Variants in CFI observed in about 807,000 individuals in gnomAD.
The protein encoded by CFI is C3B/C4B inactivator.
In CFI, 66 loss-of-function variants were observed where a neutral mutation model predicts 78.8. The ratio of observed to expected loss-of-function variants is 0.84; its 90% confidence interval spans 0.69 to 1.03. CFI has a LOEUF of 1.03. CFI is among the 50% of genes least tolerant of loss of function. The probability of loss-of-function intolerance (pLI) is 0.00; values close to 1 mark genes in which losing one functional copy is unlikely to be tolerated. For synonymous variants in CFI, 250 were observed against 232.6 expected, an observed-to-expected ratio of 1.07 and a Z score of -0.68; for missense variants, 706 against 704.5, an observed-to-expected ratio of 1.00 and a Z score of -0.02.
chr4:109,754,955 T>C (rs993364025), intron 7 of CFI, among the ~76,000 whole-genome samples: 2 of 152,216 alleles, frequency 1.3e-5, no homozygotes, highest in African/African-American at 4.8e-5. Flanking sequence ...ATTATGGATT[T>C]CTATTCAACA....
intron 1 of CFI, among the ~76,000 whole-genome samples, chr4:109,781,873 G>A (rs1321909906): frequency 1.5e-4 from 23 of 150,424 alleles, no homozygotes; most frequent in Admixed American, 1.5e-3. Context: ...GTCAATAAAT[G>A]TGATACACAA....
At chr4:109,756,723 G>A (rs1241407380) in intron 7 of CFI, among the ~76,000 whole-genome samples, 1 of 151,492 alleles carries the variant, frequency 6.6e-6, no homozygotes, top group Non-Finnish European at 1.5e-5. Context: ...AGCCAGGTGT[G>A]GTGGCACGTG....
chr4:109,760,995 G>A (rs1726983574), intron 4 of CFI, among the ~76,000 whole-genome samples: 1 of 152,144 alleles, frequency 6.6e-6, no homozygotes, highest in Non-Finnish European at 1.5e-5. Context: ...CTTGGTTAGT[G>A]CCATTTGTTT....
In CFI at chr4:109,759,794, T is replaced by C. The variant is rs985437031; in HGVS notation, c.883+476A>G. 5.3e-5 allele frequency among the ~76,000 whole-genome samples: 8 copies of C among 152,280 alleles called. No homozygotes were observed. In the East Asian group the frequency reaches 1.5e-3, roughly 29 times the overall value. On this transcript the variant is annotated intron_variant, in intron 6 of 12. Coordinates refer to ENST00000394634, the MANE Select transcript of CFI (RefSeq NM_000204.5). The stretch of plus-strand genomic sequence containing the variant: ...CTGTAATCCCAGCTACTTGGGAGGC[T>C]GAGGCAGGAGAATCACTTGAACTCA...
Position 109,763,674 on chromosome 4 carries a change from T to C in CFI, c.482+863A>G, listed in dbSNP as rs1379703099. Among the ~76,000 whole-genome samples the C allele has an allele frequency of 3.3e-5, 5 of 152,120 alleles. No homozygotes were observed. In the East Asian group the frequency reaches 7.7e-4, roughly 23 times the overall value. ...GATCTAAACAGAGCAGCTAATTCTATTAATAATGAGTAACATATCTATTAT... is the reference window on the plus strand; with the variant it reads ...GATCTAAACAGAGCAGCTAATTCTACTAATAATGAGTAACATATCTATTAT... On this transcript the variant is annotated intron_variant, in intron 3 of 12. Coordinates refer to ENST00000394634, the MANE Select transcript of CFI (RefSeq NM_000204.5).
chr4:109,759,362 A>G (rs1359311297), intron 6 of CFI, among the ~76,000 whole-genome samples: 1 of 152,160 alleles, frequency 6.6e-6, no homozygotes, highest in Non-Finnish European at 1.5e-5. Context: ...CAAACAGAAC[A>G]TTCAGATTCT....
At chr4:109,767,188 AC>A (rs545371624) in intron 1 of CFI, among the ~76,000 whole-genome samples, 123 of 152,208 alleles carry the variant, frequency 8.1e-4, no homozygotes, top group African/African-American at 2.7e-3. Context: ...CTAGAAGAAA[AC>A]CTAGGCAATA....
rs1412421358 is a variant in CFI, at chr4:109,796,283, C to G, written c.57+5632G>C. ...CACTGCCAACCAAGAATATTACACC[C>G]AGAAAAACTATCCTCTAAAAATGAA... On this transcript the variant is annotated intron_variant, in intron 1 of 12. Transcript: ENST00000394634. 2.0e-5 allele frequency among the ~76,000 whole-genome samples: 3 copies of G among 152,180 alleles called. No individual in the cohort carries two copies. In the East Asian group the frequency reaches 5.8e-4, roughly 29 times the overall value.
At chr4:109,762,492 T>C (rs1006000064) in intron 3 of CFI, 2 of 152,214 alleles carry the variant, frequency 1.3e-5, no homozygotes, top group African/African-American at 4.8e-5. Flanking sequence ...TACAGTGAAC[T>C]ATTCTTCTAG....
intron 6 of CFI, 118 bp from the exon 7 acceptor site, chr4:109,757,901 G>A (rs542035780): frequency 1.5e-5 from 21 of 1,372,440 alleles, no homozygotes; most frequent in East Asian, 1.0e-4. Context: ...TGTTTTCTTC[G>A]GTAATATAAT....
chr4:109,749,668 T>A, intron 8 of CFI, 66 bp from the exon 9 acceptor site: 1 of 963,608 alleles, frequency 1.0e-6, no homozygotes, highest in Non-Finnish European at 1.7e-6. Flanking sequence ...ACACACTTCT[T>A]GATTATCTAT....
intron 1 of CFI, among the ~76,000 whole-genome samples, chr4:109,769,619 G>T (rs1728302028): frequency 6.6e-6 from 1 of 152,164 alleles, no homozygotes. Context: ...CACTACTGGG[G>T]ACATTTGATG....
chr4:109,786,701 T>C (rs1180086031), intron 1 of CFI, among the ~76,000 whole-genome samples: 2 of 152,302 alleles, frequency 1.3e-5, no homozygotes, highest in East Asian at 3.9e-4. Flanking sequence ...TAAGTGACTT[T>C]ATCCTTCTGA....
intron 11 of CFI, among the ~76,000 whole-genome samples, chr4:109,744,898 G>T (rs895124966): frequency 6.6e-6 from 1 of 151,892 alleles, no homozygotes; most frequent in African/African-American, 2.4e-5. Context: ...CATAATAAAA[G>T]ATTTAAAAAA....
intron 1 of CFI, among the ~76,000 whole-genome samples, chr4:109,779,588 C>T (rs979643334): frequency 6.6e-6 from 1 of 152,152 alleles, no homozygotes; most frequent in African/African-American, 2.4e-5. Flanking sequence ...AATGCCATCC[C>T]CATCAAGCTA....
intron 1 of CFI, among the ~76,000 whole-genome samples, chr4:109,774,406 G>A (rs1728962115): frequency 7.8e-6 from 1 of 127,952 alleles, no homozygotes; most frequent in Non-Finnish European, 1.5e-5. Flanking sequence ...AGGTGAGGGA[G>A]CAAGCTATGC....
chr4:109,756,957 GA>G (rs1561298003), intron 7 of CFI, among the ~76,000 whole-genome samples: 2 of 132,850 alleles, frequency 1.5e-5, no homozygotes, highest in African/African-American at 2.7e-5. Context: ...AAGAAAGAAA[GA>G]AAGAAAGAAA....
intron 1 of CFI, among the ~76,000 whole-genome samples, chr4:109,771,516 C>T (rs1472960299): frequency 6.6e-6 from 1 of 150,692 alleles, no homozygotes; most frequent in Non-Finnish European, 1.5e-5. Context: ...ACCATTCTGG[C>T]CAACATGATG....
chr4:109,784,152 C>G (rs189235182), intron 1 of CFI, among the ~76,000 whole-genome samples: 1 of 151,824 alleles, frequency 6.6e-6, no homozygotes, highest in African/African-American at 2.4e-5. Context: ...CTCATGTAAC[C>G]AAATACCACC....
Sources: gnomAD v4.1 joint callset for allele counts (sites outside exome capture counted in the v4.1 genomes callset) on GRCh38, gnomAD v4.1.1 for gene constraint, MANE v1.5 for transcripts, NCBI Gene and HGNC (gene_info 2026-07-23, HGNC 2026-07-21) for gene names.